Variants in FAM110C observed in about 807,000 individuals in gnomAD.
FAM110C encodes protein FAM110C.
FAM110C carries 19 observed loss-of-function variants against 15.7 expected under a neutral mutation model. That is an observed-to-expected ratio of 1.21 (90% CI 0.85 to 1.78). FAM110C has a LOEUF of 1.78. Among genes scored for constraint, FAM110C ranks in the 40% most tolerant of loss-of-function variants. FAM110C has a pLI of 0.00. For synonymous variants in FAM110C, 275 were observed against 233.9 expected (o/e 1.18, Z -1.61); for missense variants, 547 against 495.7 (o/e 1.10, Z -0.98).
chr2:46,002 C>T lies in FAM110C; in HGVS notation c.384G>A (p.Gln128=), dbSNP rs1664287445. The change falls in exon 1 of 2, where the codon CAG becomes CAA. Residue 128 remains glutamine, a synonymous_variant. Transcript: ENST00000327669. The part of the protein sequence containing the change: ...PRASLVKKLF[Q]GPGKDKAPVP... The stretch of plus-strand genomic sequence containing the variant: ...CCGGCGCCTTGTCCTTACCCGGCCC[C>T]TGGAAGAGCTTCTTCACCAGGCTTG... 2.0e-6 allele frequency: 3 copies of T among 1,473,060 alleles called. No homozygotes were observed. The highest frequency in any genetic ancestry group is 2.7e-6 in the Non-Finnish European group (3 of 1,118,320). 91.2% of individuals were successfully genotyped at this position (1,473,060 alleles called of 1,614,324 possible). A position where few individuals can be genotyped will look rare whatever the true frequency, so the allele number is the denominator to read the frequency against.
intron 1 of FAM110C, chr2:42,739 A>G (rs1458333231): frequency 2.9e-6 from 2 of 688,722 alleles, no homozygotes; most frequent in African/African-American, 3.9e-5. Flanking sequence ...TATAAGTTGT[A>G]AATCTCTATC....
rs977222341 is a variant in FAM110C, at chr2:39,933, G to A, written c.*1675C>T. The A allele has an allele frequency of 6.6e-6, 1 of 152,166 alleles. No homozygotes were observed. Among genetic ancestry groups the A allele is most frequent in the African/African-American group, 2.4e-5 (1 of 41,434 alleles). 9.4% of individuals were successfully genotyped at this position (152,166 alleles called of 1,614,324 possible). A position where few individuals can be genotyped will look rare whatever the true frequency, so the allele number is the denominator to read the frequency against. ...CAATACAGTGAACAGCAAAATAGCA[G>A]CATTTTTAGAGCAACCATTGGGGAA... On this transcript the variant is annotated 3_prime_UTR_variant, in exon 2 of 2. Transcript: ENST00000327669.
rs914151814 is a variant in FAM110C at position 44,035 on chromosome 2, G to A, written c.946+1405C>T. 31 of 985,258 alleles carry A rather than the reference G, an allele frequency of 3.1e-5. No homozygotes were observed. In the African/African-American group the frequency reaches 5.4e-4, roughly 17 times the overall value. The allele number at this position is 985,258 out of a possible 1,614,324, so 61.0% of individuals were successfully genotyped here. ...TTTAGTGCTCTATCCACCAGACACT[G>A]TCCCTCCACGGACCTGGCCACTCTC... On this transcript the variant is annotated intron_variant, in intron 1 of 1. Transcript: ENST00000327669.
At chr2:43,763 C>T in intron 1 of FAM110C, 1 of 985,426 alleles carries the variant, frequency 1.0e-6, no homozygotes, top group Non-Finnish European at 1.2e-6. Context: ...CTACTGCCTG[C>T]ACATGCTATG....
intron 1 of FAM110C, chr2:42,759 G>A: frequency 2.3e-6 from 2 of 863,484 alleles, no homozygotes; most frequent in Non-Finnish European, 2.8e-6. Flanking sequence ...CTACCAAGAG[G>A]ACAAAAACCT....
intron 1 of FAM110C, chr2:44,411 C>T (rs1337681121): frequency 3.0e-6 from 3 of 985,244 alleles, no homozygotes; most frequent in Non-Finnish European, 3.6e-6. Context: ...TGGGCAGCCT[C>T]CCCCAAACTC....
chr2:42,037 C>T (rs1010290688), intron 1 of FAM110C: 1 of 985,312 alleles, frequency 1.0e-6, no homozygotes, highest in Admixed American at 6.1e-5. Context: ...CCTTTTCAAA[C>T]ACCAATATCT....
In FAM110C at chr2:45,557, T is replaced by A. The variant is rs760625847; in HGVS notation, c.829A>T (p.Ile277Leu). The change falls in exon 1 of 2, where the codon ATA becomes TTA. Residue 277 changes from isoleucine to leucine, a missense_variant. Coordinates refer to ENST00000327669, the MANE Select transcript of FAM110C (RefSeq NM_001077710.3). The stretch of plus-strand genomic sequence containing the variant: ...GAAGTGGTGCTGGGCACCTGCTCTA[T>A]CAGCTCCTCCTCCTGCAGCCCCTCG... ...DDEGLQEEEL[I>L]EQVPSTTSVI... The A allele has an allele frequency of 5.6e-6, 9 of 1,613,986 alleles. No homozygotes were observed. In the Admixed American group the frequency reaches 1.5e-4, roughly 27 times the overall value.
Position 46,141 on chromosome 2 carries a change from G to T in FAM110C, c.245C>A (p.Pro82Gln), listed in dbSNP as rs763828716. 1 of 1,437,148 alleles carries T rather than the reference G, an allele frequency of 7.0e-7. No homozygotes were observed. The highest frequency in any genetic ancestry group is 2.8e-5 in the Admixed American group (1 of 35,314). 89.0% of individuals were successfully genotyped at this position (1,437,148 alleles called of 1,614,324 possible). ...AATAGCCCTGCGCGCCACCGGGGCCGGGGCGCGGGCCGGGGGCCCAGGGTC... is the reference window on the plus strand; with the variant it reads ...AATAGCCCTGCGCGCCACCGGGGCCTGGGCGCGGGCCGGGGGCCCAGGGTC... ...GNDPGPPARA[P>Q]APVARRAIAR... Residue 82 changes from proline (P) to glutamine (Q), a missense_variant, in exon 1 of 2, where the codon CCG becomes CAG. By Grantham distance (76) the Pro-to-Gln change is moderately conservative. Transcript: ENST00000327669.
intron 1 of FAM110C, chr2:43,152 G>C (rs575542752): frequency 1.2e-5 from 12 of 985,280 alleles, no homozygotes; most frequent in Non-Finnish European, 8.4e-6. Context: ...CCTGGTAGCC[G>C]GGCAGTAAGT....
At chr2:44,793 G>A (rs113266168) in intron 1 of FAM110C, 1 of 985,382 alleles carries the variant, frequency 1.0e-6, no homozygotes, top group Non-Finnish European at 1.2e-6. Context: ...AATTTCCCCA[G>A]TTTAAAAACC....
Position 46,250 on chromosome 2 carries a change from TG to T in FAM110C, c.135del (p.Lys46SerfsTer50). The stretch of plus-strand genomic sequence containing the variant: ...GTCCCCGGCCGACCCCGCACATACT[TG>T]GCGCGATCCGCCGCCAGCCTCTCCA... ...SAVERLAADR[A>X]KYVRGRPGTG... On this transcript the variant is annotated frameshift_variant, in exon 1 of 2. Transcript: ENST00000327669. LOFTEE classifies it high-confidence loss of function. 7.1e-7 allele frequency: 1 copy of T among 1,411,236 alleles called. No homozygotes were observed. Among genetic ancestry groups the T allele is most frequent in the Non-Finnish European group, 9.2e-7 (1 of 1,086,300 alleles). 87.4% of individuals were successfully genotyped at this position (1,411,236 alleles called of 1,614,324 possible).
intron 1 of FAM110C, chr2:42,837 T>C: frequency 1.0e-6 from 1 of 985,472 alleles, no homozygotes; most frequent in Non-Finnish European, 1.2e-6. Context: ...TTCTGAATCT[T>C]TCAAGAAATC....
chr2:44,039 C>CT (rs1304592678), intron 1 of FAM110C: 1 of 985,294 alleles, frequency 1.0e-6, no homozygotes, highest in African/African-American at 1.7e-5. Flanking sequence ...GACACTGTCC[C>CT]TCCACGGACC....
In FAM110C at chr2:46,326, G is replaced by T. The variant is rs968607203; in HGVS notation, c.60C>A (p.Pro20=). 20 of 1,320,594 alleles carry T rather than the reference G, an allele frequency of 1.5e-5. No homozygotes were observed. The African/African-American group carries it at 2.8e-4, about 18-fold the overall frequency. 81.8% of individuals were successfully genotyped at this position (1,320,594 alleles called of 1,614,324 possible). The change falls in exon 1 of 2, where the codon CCC becomes CCA. Residue 20 remains proline (P), a synonymous_variant. Transcript: ENST00000327669. ...PPNERLLPRD[P]AATRDPDAAR... ...CGGCGTCGGGGTCCCGGGTAGCCGC[G>T]GGGTCCCGGGGAAGGAGCCGCTCGT...
Position 45,844 on chromosome 2 carries a change from G to C in FAM110C, c.542C>G (p.Pro181Arg), listed in dbSNP as rs916592286. Residue 181 changes from proline to arginine, a missense_variant, in exon 1 of 2, where the codon CCG becomes CGG. Coordinates refer to ENST00000327669, the MANE Select transcript of FAM110C (RefSeq NM_001077710.3). The stretch of plus-strand genomic sequence containing the variant: ...CGGCTCTGGCCCAGGGGGCGCGGCC[G>C]GGACACTGGAGGGCGCCGCGGACCG... ...AARSAAPSSV[P>R]AAPPGPEPRV... 11 of 1,535,026 alleles carry C rather than the reference G, an allele frequency of 7.2e-6. No individual in the cohort carries two copies. The highest frequency in any genetic ancestry group is 9.6e-6 in the Non-Finnish European group (11 of 1,145,676).
Position 46,134 on chromosome 2 carries a change from C to A in FAM110C, c.252G>T (p.Pro84=). The A allele has an allele frequency of 2.8e-6, 4 of 1,437,908 alleles. No homozygotes were observed. Among genetic ancestry groups the A allele is most frequent in the East Asian group, 5.5e-5 (2 of 36,076 alleles). 89.1% of individuals were successfully genotyped at this position (1,437,908 alleles called of 1,614,324 possible). ...DPGPPARAPA[P]VARRAIARKP... is the part of the protein sequence containing the mutation. ...TCCGCGCAATAGCCCTGCGCGCCAC[C>A]GGGGCCGGGGCGCGGGCCGGGGGCC... The change falls in exon 1 of 2, where the codon CCG becomes CCT. Residue 84 remains proline (P), a synonymous_variant. Coordinates refer to ENST00000327669, the MANE Select transcript of FAM110C (RefSeq NM_001077710.3).
intron 1 of FAM110C, chr2:44,129 C>A: frequency 1.0e-6 from 1 of 985,400 alleles, no homozygotes; most frequent in Non-Finnish European, 1.2e-6. Context: ...ATCTCAGATC[C>A]AAAAGACAAT....
chr2:44,430 G>A, intron 1 of FAM110C: 2 of 985,394 alleles, frequency 2.0e-6, no homozygotes, highest in Non-Finnish European at 2.4e-6. Flanking sequence ...TCTACAGGCT[G>A]CCATGCATCT....
Sources: allele counts gnomAD v4.1 joint callset, GRCh38; gene constraint gnomAD v4.1.1; transcripts MANE v1.5; gene names NCBI Gene and HGNC (gene_info 2026-07-23, HGNC 2026-07-21).